The following GRIP1 variants were observed in gnomAD, a reference collection of about 807,000 sequenced individuals.
GRIP1 encodes glutamate receptor interacting protein 1, also known as glutamate receptor-interacting protein 1.
A neutral mutation model predicts 129.9 loss-of-function variants in GRIP1; 45 were observed. The ratio of observed to expected loss-of-function variants is 0.35; its 90% confidence interval spans 0.27 to 0.44. The LOEUF (loss-of-function observed/expected upper bound fraction) is 0.44, where lower values mean the gene tolerates loss of function less well. GRIP1 is among the 20% of genes least tolerant of loss of function. The pLI is 1.00. For missense variants in GRIP1, 1,196 were observed against 1,396.8 expected, an observed-to-expected ratio of 0.86 and a Z score of 2.29; for synonymous variants, 530 against 520.8, an observed-to-expected ratio of 1.02 and a Z score of -0.24.
chr12:66,957,503 T>C (rs1222188203), intron 1 of GRIP1, among the ~76,000 whole-genome samples: 1 of 152,052 alleles, frequency 6.6e-6, no homozygotes, highest in Non-Finnish European at 1.5e-5. Context: ...TGTCTCCTTA[T>C]GCGACTCTTG....
chr12:66,747,051 T>C (rs776613355), intron 1 of GRIP1, among the ~76,000 whole-genome samples: 112 of 152,136 alleles, frequency 7.4e-4, no homozygotes, highest in Admixed American at 1.4e-3. Context: ...TTACATATTA[T>C]GATAAAAATA....
intron 1 of GRIP1, among the ~76,000 whole-genome samples, chr12:66,884,622 G>A (rs552151421): frequency 1.3e-5 from 2 of 152,284 alleles, no homozygotes; most frequent in Non-Finnish European, 2.9e-5. Context: ...AGAAAAAAAT[G>A]TAAATGGATT....
At chr12:66,663,731 A>C (rs1220980336) in intron 1 of GRIP1, among the ~76,000 whole-genome samples, 1 of 152,154 alleles carries the variant, frequency 6.6e-6, no homozygotes, top group East Asian at 1.9e-4. Context: ...ACACATATGA[A>C]CTCTAAAGCG....
chr12:66,628,101 G>C (rs2030303622), intron 1 of GRIP1, among the ~76,000 whole-genome samples: 2 of 152,188 alleles, frequency 1.3e-5, no homozygotes, highest in African/African-American at 4.8e-5. Flanking sequence ...GCTTGGAGCA[G>C]CTGGGGAAAG....
chr12:66,533,885 A>ACTCTCTCTCT (rs201892079), intron 4 of GRIP1, among the ~76,000 whole-genome samples: 4,897 of 129,198 alleles, frequency 0.038, 100 homozygotes, highest in Non-Finnish European at 0.061. Context: ...ACACATACAC[A>ACTCTCTCTCT]CACTCTCTCT....
intron 2 of GRIP1, among the ~76,000 whole-genome samples, chr12:66,579,872 G>A (rs1446441511): frequency 6.7e-6 from 1 of 149,690 alleles, no homozygotes; most frequent in African/African-American, 2.5e-5. Flanking sequence ...ATCTAGCAAG[G>A]CAGGCCAACA....
chr12:67,025,561 A>G (rs1175405460), intron 1 of GRIP1, among the ~76,000 whole-genome samples: 2 of 152,170 alleles, frequency 1.3e-5, no homozygotes, highest in Non-Finnish European at 2.9e-5. Flanking sequence ...GAATAAATAA[A>G]CGTGCATTAC....
At chr12:66,821,716 G>A (rs1187783970) in intron 1 of GRIP1, among the ~76,000 whole-genome samples, 3 of 152,160 alleles carry the variant, frequency 2.0e-5, no homozygotes, top group Non-Finnish European at 4.4e-5. Flanking sequence ...GAGATCACCA[G>A]CAACTCCTTT....
intron 4 of GRIP1, among the ~76,000 whole-genome samples, chr12:66,534,058 G>C (rs776208294): frequency 7.2e-5 from 11 of 152,098 alleles, no homozygotes; most frequent in Non-Finnish European, 1.0e-4. Flanking sequence ...TGCTCTAGCT[G>C]TCTGAGCTAA....
chr12:67,036,254 G>A (rs2043093052), intron 1 of GRIP1, among the ~76,000 whole-genome samples: 1 of 151,738 alleles, frequency 6.6e-6, no homozygotes, highest in African/African-American at 2.4e-5. Context: ...ACCATTCTGA[G>A]AATAGATCAC....
chr12:66,824,229 A>G lies in GRIP1; in HGVS notation c.59-227302T>C, dbSNP rs2039369835. 2.0e-5 allele frequency among the ~76,000 whole-genome samples: 3 copies of G among 152,184 alleles called. No homozygotes were observed. The South Asian group carries it at 6.2e-4, about 32-fold the overall frequency. On this transcript the variant is annotated intron_variant, in intron 1 of 1. Coordinates refer to the GRIP1 transcript ENST00000643019. ...TCATTTAACCAAAAAAATCAGACAT[A>G]CTAACAACCCTCCCCATCAAGGTGG...
At chr12:66,908,380 G>C (rs1361410020) in intron 1 of GRIP1, among the ~76,000 whole-genome samples, 1 of 152,182 alleles carries the variant, frequency 6.6e-6, no homozygotes, top group Non-Finnish European at 1.5e-5. Flanking sequence ...ATCAGGGAAG[G>C]AGAGGATTTC....
intron 1 of GRIP1, among the ~76,000 whole-genome samples, chr12:66,729,746 T>C (rs1291183223): frequency 6.6e-6 from 1 of 152,142 alleles, no homozygotes; most frequent in Non-Finnish European, 1.5e-5. Flanking sequence ...GCTAATTTTT[T>C]GTATTTTTTA....
At chr12:67,035,852 G>A (rs992504575) in intron 1 of GRIP1, among the ~76,000 whole-genome samples, 5 of 151,702 alleles carry the variant, frequency 3.3e-5, no homozygotes, top group Middle Eastern at 3.4e-3. Flanking sequence ...ATCTATTTAC[G>A]TGCATTTTTA....
chr12:66,459,972 C>T (rs1176358503), intron 9 of GRIP1, among the ~76,000 whole-genome samples: 1 of 152,122 alleles, frequency 6.6e-6, no homozygotes, highest in African/African-American at 2.4e-5. Flanking sequence ...TCACTGATTA[C>T]TTATTATATA....
chr12:66,979,659 T>C (rs1205714394), intron 1 of GRIP1, among the ~76,000 whole-genome samples: 2 of 152,162 alleles, frequency 1.3e-5, no homozygotes, highest in Non-Finnish European at 1.5e-5. Flanking sequence ...TGACTTTATT[T>C]GGAAATAGAG....
chr12:66,613,825 A>C (rs1198036414), intron 1 of GRIP1, among the ~76,000 whole-genome samples: 1 of 152,188 alleles, frequency 6.6e-6, no homozygotes. Context: ...GCAAGGATGA[A>C]ATAAAATGCT....
intron 1 of GRIP1, among the ~76,000 whole-genome samples, chr12:66,705,209 G>A (rs2035485671): frequency 6.6e-6 from 1 of 151,950 alleles, no homozygotes; most frequent in South Asian, 2.1e-4. Context: ...ATTCAAAACA[G>A]CATCCTTTCA....
At chr12:66,889,099 C>T (rs1340931684) in intron 1 of GRIP1, among the ~76,000 whole-genome samples, 4 of 152,212 alleles carry the variant, frequency 2.6e-5, no homozygotes, top group Admixed American at 2.6e-4. Context: ...TTCCTATCTG[C>T]CACCTTTCTC....
Sources: allele counts gnomAD v4.1 joint callset (sites outside exome capture counted in the v4.1 genomes callset), GRCh38; gene constraint gnomAD v4.1.1; transcripts MANE v1.5; gene names NCBI Gene and HGNC (gene_info 2026-07-23, HGNC 2026-07-21).